NCAPG2: variants seen among roughly 807,000 people sequenced by gnomAD.
The protein encoded by NCAPG2 is condensin-2 complex subunit G2.
A neutral mutation model predicts 141.1 loss-of-function variants in NCAPG2; 53 were observed. That is an observed-to-expected ratio of 0.38 (90% confidence interval 0.30 to 0.47). NCAPG2 has a LOEUF of 0.47. NCAPG2 is among the 20% of genes least tolerant of loss of function. NCAPG2 has a pLI of 0.99. For missense variants in NCAPG2, 1,087 were observed against 1,389.0 expected (o/e 0.78, Z 3.46); for synonymous variants, 499 against 490.7 (o/e 1.02, Z -0.22).
intron 8 of NCAPG2, among the ~76,000 whole-genome samples, chr7:158,684,336 G>A (rs1834626515): frequency 6.6e-6 from 1 of 152,214 alleles, no homozygotes; most frequent in South Asian, 2.1e-4. Flanking sequence ...CAATGGCATA[G>A]ATTTTAAGAA....
intron 13 of NCAPG2, among the ~76,000 whole-genome samples, chr7:158,669,551 T>G (rs1472950233): frequency 6.6e-6 from 1 of 151,552 alleles, no homozygotes; most frequent in Non-Finnish European, 1.5e-5. Context: ...TCCCCTGAGG[T>G]CAGGAGTTCG....
At chr7:158,695,768 A>G (rs1835404839) in intron 2 of NCAPG2, among the ~76,000 whole-genome samples, 1 of 152,280 alleles carries the variant, frequency 6.6e-6, no homozygotes, top group African/African-American at 2.4e-5. Flanking sequence ...AAGGCAGGGC[A>G]ACACAAAAGC....
intron 22 of NCAPG2, among the ~76,000 whole-genome samples, chr7:158,653,197 C>T (rs985822041): frequency 4.7e-4 from 72 of 151,816 alleles, no homozygotes; most frequent in African/African-American, 1.7e-3. Flanking sequence ...CTCACCTCTA[C>T]TAAAAATACA....
rs1292221126 is a variant in NCAPG2, at chr7:158,704,717, C to A, written c.-40+7G>T. ...ACCCAATCCCGGCTCGGCACCGCAG[C>A]TCTTACCTGGGCTCGGGGACCCGCC... On this transcript the variant is annotated splice_region_variant and intron_variant, in intron 1 of 27. Transcript: ENST00000356309. 6.6e-6 allele frequency: 1 copy of A among 152,394 alleles called. No individual in the cohort carries two copies. Among genetic ancestry groups the A allele is most frequent in the Non-Finnish European group, 1.5e-5 (1 of 68,196 alleles). The allele number at this position is 152,394 out of a possible 1,614,324, so 9.4% of individuals were successfully genotyped here.
intron 17 of NCAPG2, 138 bp downstream of exon 17, chr7:158,658,200 G>T: frequency 1.6e-6 from 1 of 622,456 alleles, no homozygotes; most frequent in Admixed American, 3.8e-5. Context: ...CCTACCACAG[G>T]GAGAGGGAAG....
chr7:158,675,768 T>C (rs1266523833), intron 11 of NCAPG2, 112 bp from the exon 12 acceptor site: 7 of 1,093,550 alleles, frequency 6.4e-6, no homozygotes, highest in South Asian at 1.5e-5. Context: ...ACTTTGAGCA[T>C]AGAAATACTG....
At chr7:158,664,040 T>C (rs1563530948) in intron 15 of NCAPG2, 144 bp downstream of exon 15, 4 of 679,488 alleles carry the variant, frequency 5.9e-6, no homozygotes, top group Non-Finnish European at 1.0e-5. Context: ...CTTTCACAAA[T>C]GTTATTTATG....
At chr7:158,695,708 C>G (rs189714042) in intron 2 of NCAPG2, among the ~76,000 whole-genome samples, 388 of 152,350 alleles carry the variant, frequency 2.5e-3, no homozygotes, top group Non-Finnish European at 4.5e-3. Context: ...GGCATTGCCA[C>G]GACATTAGCA....
At chr7:158,657,279 T>A (rs916298588) in intron 17 of NCAPG2, among the ~76,000 whole-genome samples, 2 of 152,200 alleles carry the variant, frequency 1.3e-5, no homozygotes, top group African/African-American at 4.8e-5. Context: ...TATTTCACAC[T>A]CTTCTTTTTG....
In NCAPG2 at chr7:158,641,205, A is replaced by T. The variant is rs1830619985; in HGVS notation, c.3380+3084T>A. On this transcript the variant is annotated intron_variant, in intron 27 of 27. Transcript: ENST00000356309. ...TCAGTTAAAACCACAAAAGACAGAAAAGGAGTGGAAGACAGAAATAGGAAC... is the reference window on the plus strand; with the variant it reads ...TCAGTTAAAACCACAAAAGACAGAATAGGAGTGGAAGACAGAAATAGGAAC... The T allele has an allele frequency of 2.0e-5, 6 of 306,752 alleles. No individual in the cohort carries two copies. The East Asian group carries it at 3.0e-4, about 15-fold the overall frequency. 19.0% of individuals were successfully genotyped at this position (306,752 alleles called of 1,614,324 possible).
intron 9 of NCAPG2, among the ~76,000 whole-genome samples, chr7:158,682,039 C>T (rs1308132952): frequency 1.3e-5 from 2 of 152,128 alleles, no homozygotes; most frequent in African/African-American, 2.4e-5. Flanking sequence ...TTGAGTAACA[C>T]GTTTCACTTG....
intron 24 of NCAPG2, among the ~76,000 whole-genome samples, chr7:158,650,539 C>T (rs1831409136): frequency 6.6e-6 from 1 of 152,174 alleles, no homozygotes; most frequent in Non-Finnish European, 1.5e-5. Context: ...AACTTATCAA[C>T]TCATTTAAAT....
chr7:158,632,060 C>G (rs946928285), intron 27 of NCAPG2, among the ~76,000 whole-genome samples: 5 of 152,138 alleles, frequency 3.3e-5, no homozygotes, highest in Admixed American at 3.3e-4. Context: ...GCCTATTTCT[C>G]TATTACACAA....
chr7:158,703,638 G>A (rs1282588143), intron 1 of NCAPG2: 1 of 152,180 alleles, frequency 6.6e-6, no homozygotes, highest in Non-Finnish European at 1.5e-5. Context: ...TCAAGGTAAG[G>A]AGTCATCTCA....
rs552342639 is a variant in NCAPG2, at chr7:158,692,144, AAAAAC to A, written c.382+693_382+697del. ...ACACAGTTAGATCCTGTCTCTACCA[AAAAAC>A]AAAACAAAACAAAACAAAACAAAAA... On this transcript the variant is annotated intron_variant, in intron 4 of 27. Transcript: ENST00000356309. Among the ~76,000 whole-genome samples, 21 of 152,232 alleles carry A rather than the reference AAAAAC, an allele frequency of 1.4e-4. 1 individual carries two copies. The highest frequency in any genetic ancestry group is 4.6e-4 in the African/African-American group (19 of 41,546).
chr7:158,653,370 A>AT (rs201287349), intron 22 of NCAPG2, among the ~76,000 whole-genome samples: 8 of 91,382 alleles, frequency 8.8e-5, no homozygotes, highest in South Asian at 3.9e-4. Flanking sequence ...GTCTCAAAAA[A>AT]AAAAAAATAA....
rs1172307206 is a variant in NCAPG2, at chr7:158,664,814, TA to T, written c.1480-65del. The T allele has an allele frequency of 1.0e-5, 14 of 1,401,654 alleles. No homozygotes were observed. The African/African-American group carries it at 1.9e-4, about 19-fold the overall frequency. 86.8% of individuals were successfully genotyped at this position (1,401,654 alleles called of 1,614,324 possible). A position where few individuals can be genotyped will look rare whatever the true frequency, so the allele number is the denominator to read the frequency against. On this transcript the variant is annotated intron_variant, in intron 13 of 27. Transcript: ENST00000356309. ...TGTGCCTGTAACCCTGGAAACAGCTTAAGAAAAATTTCAAGCACAACCAAAA... is the reference window on the plus strand; with the variant it reads ...TGTGCCTGTAACCCTGGAAACAGCTTAGAAAAATTTCAAGCACAACCAAAA...
Position 158,667,435 on chromosome 7 carries a change from T to C in NCAPG2, c.1480-2685A>G, listed in dbSNP as rs1198906118. Among the ~76,000 whole-genome samples the C allele has an allele frequency of 3.4e-3, 103 of 30,148 alleles. 1 individual carries two copies. The highest frequency in any genetic ancestry group is 9.5e-3 in the East Asian group (11 of 1,156). The allele number at this position is 30,148 out of a possible 152,430, so 19.8% of individuals were successfully genotyped here. A position where few individuals can be genotyped will look rare whatever the true frequency, so the allele number is the denominator to read the frequency against. The stretch of plus-strand genomic sequence containing the variant: ...TACCCACTACTGGGTCCCTCCGCCC[T>C]CCTTACCCACTACTGGGTCCCTCCG... On this transcript the variant is annotated intron_variant, in intron 13 of 27. Coordinates refer to ENST00000356309, the MANE Select transcript of NCAPG2 (RefSeq NM_017760.7).
At chr7:158,648,880 A>AC in intron 24 of NCAPG2, among the ~76,000 whole-genome samples, 1 of 152,152 alleles carries the variant, frequency 6.6e-6, no homozygotes, top group South Asian at 2.1e-4. Context: ...AATGGACTAT[A>AC]ACCACGGCAA....
Sources: allele counts gnomAD v4.1 joint callset (sites outside exome capture counted in the v4.1 genomes callset), GRCh38; gene constraint gnomAD v4.1.1; transcripts MANE v1.5; gene names NCBI Gene and HGNC (gene_info 2026-07-23, HGNC 2026-07-21).